Variants in QTGAL observed in about 807,000 individuals in gnomAD.
The protein encoded by QTGAL is queuosine-tRNA galactosyltransferase, also known as BGnT-like protein 1.
chr17:83,005,019 C>A, the QTGAL span: 6 of 1,028,002 alleles, frequency 5.8e-6, no homozygotes, highest in South Asian at 8.5e-5. The surrounding 1 kb of genome is among the most constrained non-coding windows in gnomAD (Gnocchi z 5.6). Context: ...CCACGGCCCA[C>A]GACGACGCAG....
chr17:83,013,317 C>T, the QTGAL span, among the ~76,000 whole-genome samples: 1 of 147,910 alleles, frequency 6.8e-6, no homozygotes, highest in African/African-American at 2.5e-5. Context: ...ACGTGAGACG[C>T]AAACCTCCGT....
At chr17:83,023,494 T>C in the QTGAL span, among the ~76,000 whole-genome samples, 17 of 152,354 alleles carry the variant, frequency 1.1e-4, no homozygotes, top group African/African-American at 3.8e-4. Flanking sequence ...AAGTCAAATA[T>C]AGAAGTCAGG....
At chr17:82,980,945 G>T in the QTGAL span, 1 of 152,128 alleles carries the variant, frequency 6.6e-6, no homozygotes, top group Non-Finnish European at 1.5e-5. Context: ...CTCATCCTGC[G>T]GTATCTAGGG....
chr17:82,945,891 A>T, the QTGAL span: 3 of 152,256 alleles, frequency 2.0e-5, no homozygotes, highest in Non-Finnish European at 4.4e-5. Context: ...AAGGGAAGCA[A>T]TAAACTGTGA....
the QTGAL span, among the ~76,000 whole-genome samples, chr17:82,961,498 G>GT: frequency 2.0e-5 from 3 of 152,214 alleles, no homozygotes; most frequent in African/African-American, 7.2e-5. Context: ...GGGCTGGGGT[G>GT]GGTCAGGGTC....
At chr17:82,949,409 A>C in the QTGAL span, 1 of 152,226 alleles carries the variant, frequency 6.6e-6, no homozygotes, top group African/African-American at 2.4e-5. Flanking sequence ...TTAGTGACAA[A>C]CGTGAACCTT....
chr17:82,997,552 G>A, the QTGAL span, among the ~76,000 whole-genome samples: 3 of 152,078 alleles, frequency 2.0e-5, no homozygotes, highest in East Asian at 5.8e-4. Flanking sequence ...TCAAAAGAAA[G>A]GAAATCAGTA....
At chr17:83,049,872 A>G in the QTGAL span, among the ~76,000 whole-genome samples, 1 of 152,208 alleles carries the variant, frequency 6.6e-6, no homozygotes, top group African/African-American at 2.4e-5. Flanking sequence ...ATGCCAACAA[A>G]ACAACTGATT....
At chr17:83,026,897 G>T in the QTGAL span, among the ~76,000 whole-genome samples, 1 of 100,558 alleles carries the variant, frequency 9.9e-6, no homozygotes, top group Non-Finnish European at 2.2e-5. Flanking sequence ...ACCCACCCTC[G>T]ACAGACACAC....
the QTGAL span, among the ~76,000 whole-genome samples, chr17:83,033,475 C>CTTTTT: frequency 6.9e-6 from 1 of 145,478 alleles, no homozygotes. Flanking sequence ...AAGTTATATG[C>CTTTTT]TTTTTTTTTT....
At chr17:82,942,794 ACTC>A in the QTGAL span, 85 of 425,300 alleles carry the variant, frequency 2.0e-4, no homozygotes, top group South Asian at 2.7e-3. Context: ...GGTGGGCTGC[ACTC>A]CTCCTGCCTG....
chr17:83,036,498 T>A, the QTGAL span, among the ~76,000 whole-genome samples: 6 of 152,234 alleles, frequency 3.9e-5, no homozygotes, highest in Non-Finnish European at 7.3e-5. Context: ...CTTTTCTGTA[T>A]GGATATCATA....
At chr17:82,983,804 C>T in the QTGAL span, among the ~76,000 whole-genome samples, 4 of 152,316 alleles carry the variant, frequency 2.6e-5, 1 homozygote, top group Admixed American at 2.0e-4. Flanking sequence ...CTCAGATTAA[C>T]GGGTTGAAGC....
At chr17:83,012,493 C>T in the QTGAL span, among the ~76,000 whole-genome samples, 1 of 152,224 alleles carries the variant, frequency 6.6e-6, no homozygotes, top group African/African-American at 2.4e-5. Flanking sequence ...TCATTTCTAG[C>T]TGTGTAAAAA....
chr17:82,949,309 A>T, the QTGAL span: 1 of 152,252 alleles, frequency 6.6e-6, no homozygotes, highest in East Asian at 1.9e-4. Context: ...CATTTTAAAC[A>T]GCAGATGATT....
At chr17:82,966,140 C>G in the QTGAL span, among the ~76,000 whole-genome samples, 293 of 150,804 alleles carry the variant, frequency 1.9e-3, no homozygotes, top group African/African-American at 6.7e-3. Context: ...TGACCTCAAA[C>G]CCCTGGCCTC....
the QTGAL span, among the ~76,000 whole-genome samples, chr17:82,967,726 T>C: frequency 6.6e-6 from 1 of 151,928 alleles, no homozygotes; most frequent in Non-Finnish European, 1.5e-5. Context: ...GAGAATCGCT[T>C]GAGCCCAGGA....
At chr17:83,014,334 G>A in the QTGAL span, 30 of 1,113,262 alleles carry the variant, frequency 2.7e-5, no homozygotes, top group Non-Finnish European at 3.0e-5. Flanking sequence ...ATCCCTCTCC[G>A]TGACTTGACA....
the QTGAL span, chr17:82,957,399 C>T: frequency 5.0e-6 from 8 of 1,613,048 alleles, no homozygotes; most frequent in African/African-American, 1.3e-5. Context: ...GTACAGCCGG[C>T]GCCCCTGCTT....
Sources: allele counts gnomAD v4.1 joint callset (sites outside exome capture counted in the v4.1 genomes callset), GRCh38; gene constraint gnomAD v4.1.1; non-coding constraint Gnocchi (gnomAD v3.1); transcripts MANE v1.5; gene names NCBI Gene and HGNC (gene_info 2026-07-23, HGNC 2026-07-21).